CKAP2L: variants seen among roughly 807,000 people sequenced by gnomAD.
CKAP2L encodes cytoskeleton associated protein 2L, also known as cytoskeleton-associated protein 2-like.
A neutral mutation model predicts 65.7 loss-of-function variants in CKAP2L; 42 were observed. The observed-to-expected ratio is 0.64, with a 90% CI of 0.50 to 0.83. The LOEUF (loss-of-function observed/expected upper bound fraction) is 0.83, where lower values mean the gene tolerates loss of function less well. CKAP2L is among the 40% of genes least tolerant of loss of function. The pLI is 0.00. For missense variants in CKAP2L, 908 were observed against 871.0 expected (o/e 1.04, Z -0.53); for synonymous variants, 325 against 313.5 (o/e 1.04, Z -0.39).
rs963863091 is a variant in CKAP2L, at chr2:112,738,482, A to C, written c.*341T>G. The C allele has an allele frequency of 2.6e-5, 6 of 228,174 alleles. No individual in the cohort carries two copies. Among genetic ancestry groups the C allele is most frequent in the Non-Finnish European group, 5.2e-5 (6 of 115,354 alleles). The allele number at this position is 228,174 out of a possible 1,614,324, so 14.1% of individuals were successfully genotyped here. On this transcript the variant is annotated 3_prime_UTR_variant, in exon 9 of 9. Transcript: ENST00000302450. ...CTGCTAAGGTGGATGCAGAAAGAAA[A>C]GTCCCATTATATTGTGGGACCAACC...
chr2:112,744,818 G>C (rs1199264383), intron 6 of CKAP2L, among the ~76,000 whole-genome samples: 1 of 152,132 alleles, frequency 6.6e-6, no homozygotes, highest in Non-Finnish European at 1.5e-5. Context: ...CCATCCATGT[G>C]TCTCGGGCTT....
At chr2:112,753,890 C>G (rs886450712) in intron 4 of CKAP2L, among the ~76,000 whole-genome samples, 1 of 152,120 alleles carries the variant, frequency 6.6e-6, no homozygotes, top group African/African-American at 2.4e-5. Flanking sequence ...CAGTCCTCCC[C>G]TCAAATGACA....
chr2:112,747,930 G>C (rs1254992137), intron 5 of CKAP2L, among the ~76,000 whole-genome samples: 1 of 152,160 alleles, frequency 6.6e-6, no homozygotes, highest in African/African-American at 2.4e-5. Flanking sequence ...CAACAGAAAG[G>C]CAGAACAACT....
chr2:112,746,723 AC>A (rs1680213334), intron 5 of CKAP2L, 148 bp from the exon 6 acceptor site: 2 of 521,440 alleles, frequency 3.8e-6, no homozygotes, highest in Admixed American at 3.4e-5. Context: ...TTACTGAGGT[AC>A]AATGTACATG....
At position 112,738,571 on chromosome 2, in the gene CKAP2L, T is replaced by C. The variant is rs893538560; in HGVS notation, c.*252A>G. 2.1e-6 allele frequency: 1 copy of C among 483,284 alleles called. No individual in the cohort carries two copies. Among genetic ancestry groups the C allele is most frequent in the Non-Finnish European group, 3.7e-6 (1 of 271,776 alleles). The allele number at this position is 483,284 out of a possible 1,614,324, so 29.9% of individuals were successfully genotyped here. A position where few individuals can be genotyped will look rare whatever the true frequency, so the allele number is the denominator to read the frequency against. Reference sequence around the variant, plus strand: ...AATAAAGTATAAATATTTATCATAGTTGTAGGGTAAATATTCAAAAGTTTG... The same window carrying C: ...AATAAAGTATAAATATTTATCATAGCTGTAGGGTAAATATTCAAAAGTTTG... On this transcript the variant is annotated 3_prime_UTR_variant, in exon 9 of 9. Coordinates refer to ENST00000302450, the MANE Select transcript of CKAP2L (RefSeq NM_152515.5).
At position 112,746,512 on chromosome 2, in the gene CKAP2L, T is replaced by C. The variant is rs1680205768; in HGVS notation, c.1666A>G (p.Lys556Glu). The C allele has an allele frequency of 1.2e-6, 2 of 1,613,432 alleles. No individual in the cohort carries two copies. The highest frequency in any genetic ancestry group is 2.2e-5 in the South Asian group (2 of 91,048). ...AACTTTGCTTTGCAGATCCAGAATTTAGCAAATTTTTCAGCTTCAGGAATG... is the reference window on the plus strand; with the variant it reads ...AACTTTGCTTTGCAGATCCAGAATTCAGCAAATTTTTCAGCTTCAGGAATG... Reference protein sequence around the residue: ...SSIPEAEKFAKFWICKAKLLA... With the variant: ...SSIPEAEKFAEFWICKAKLLA... Residue 556 changes from lysine to glutamate, a missense_variant, in exon 6 of 9, where the codon AAA becomes GAA. By Grantham distance (56) the Lys-to-Glu change is moderately conservative. Coordinates refer to ENST00000302450, the MANE Select transcript of CKAP2L (RefSeq NM_152515.5).
chr2:112,762,305 A>G (rs1201833678), intron 2 of CKAP2L, among the ~76,000 whole-genome samples, 198 bp downstream of exon 2: 1 of 152,258 alleles, frequency 6.6e-6, no homozygotes, highest in Non-Finnish European at 1.5e-5. Context: ...GTAATAATGC[A>G]TAAAGCTTTG....
rs1339974112 is a variant in CKAP2L, at chr2:112,737,769, G to A, written c.*1054C>T. ...TTCTCCTTGGTAATGAATGCTCCTT[G>A]TTTCTTAGGACAGCCAACTGGTATA... is the stretch of plus-strand genomic sequence containing the variant. On this transcript the variant is annotated 3_prime_UTR_variant, in exon 9 of 9. Transcript: ENST00000302450. 1 of 152,034 alleles carries A rather than the reference G, an allele frequency of 6.6e-6. No individual in the cohort carries two copies. The highest frequency in any genetic ancestry group is 1.9e-4 in the East Asian group (1 of 5,194). 9.4% of individuals were successfully genotyped at this position (152,034 alleles called of 1,614,324 possible).
chr2:112,747,531 T>C (rs1350428403), intron 5 of CKAP2L, among the ~76,000 whole-genome samples: 1 of 152,150 alleles, frequency 6.6e-6, no homozygotes, highest in Non-Finnish European at 1.5e-5. Flanking sequence ...TGCAGGTGTT[T>C]ATGAAAGAGG....
intron 3 of CKAP2L, among the ~76,000 whole-genome samples, 171 bp from the exon 4 acceptor site, chr2:112,757,385 G>GTT (rs11311328): frequency 0.01 from 883 of 87,328 alleles, 3 homozygotes; most frequent in East Asian, 0.015. Context: ...TAGTTTTTGT[G>GTT]TTTTTTTTTT....
intron 5 of CKAP2L, among the ~76,000 whole-genome samples, chr2:112,749,660 T>C (rs1558758391): frequency 2.0e-5 from 3 of 152,210 alleles, no homozygotes; most frequent in Non-Finnish European, 4.4e-5. Flanking sequence ...TTTTCTAAGA[T>C]ATTTTTTGGG....
intron 7 of CKAP2L, chr2:112,742,469 C>T: frequency 1.4e-6 from 1 of 717,986 alleles, no homozygotes; most frequent in South Asian, 1.5e-5. Flanking sequence ...GGAAGTGGGA[C>T]ACTCCAGTCT....
chr2:112,754,923 C>T (rs746224156), intron 4 of CKAP2L, among the ~76,000 whole-genome samples: 2 of 152,198 alleles, frequency 1.3e-5, no homozygotes, highest in Non-Finnish European at 1.5e-5. Context: ...GTTGAAAGTA[C>T]TTCTACTGAT....
Position 112,761,153 on chromosome 2 carries a change from A to G in CKAP2L, c.105-389T>C, listed in dbSNP as rs371821948. Among the ~76,000 whole-genome samples the G allele has an allele frequency of 3.5e-4, 53 of 152,148 alleles. 1 individual carries two copies. Among genetic ancestry groups the G allele is most frequent in the African/African-American group, 1.2e-3 (51 of 41,434 alleles). On this transcript the variant is annotated intron_variant, in intron 2 of 8. Transcript: ENST00000302450. ...CGAAGACACAATGCCAAATAAAACCATTAACTGCTTCTTTAAAAAATTTCC... is the reference window on the plus strand; with the variant it reads ...CGAAGACACAATGCCAAATAAAACCGTTAACTGCTTCTTTAAAAAATTTCC...
chr2:112,746,375 T>A, intron 6 of CKAP2L, 45 bp downstream of exon 6: 2 of 1,517,198 alleles, frequency 1.3e-6, no homozygotes, highest in Non-Finnish European at 1.8e-6. Context: ...AGAACTCACA[T>A]GAAAGAGAAT....
intron 6 of CKAP2L, among the ~76,000 whole-genome samples, chr2:112,745,756 T>A (rs1286324480): frequency 1.3e-5 from 2 of 152,102 alleles, no homozygotes; most frequent in Non-Finnish European, 2.9e-5. Flanking sequence ...AATGAAAGTA[T>A]AAGGAATGGC....
intron 4 of CKAP2L, among the ~76,000 whole-genome samples, chr2:112,755,151 A>G (rs1314021761): frequency 6.6e-6 from 1 of 152,160 alleles, no homozygotes; most frequent in African/African-American, 2.4e-5. Flanking sequence ...TTTCTACTTC[A>G]AGCAGGTATA....
At chr2:112,748,678 C>T (rs1680276303) in intron 5 of CKAP2L, among the ~76,000 whole-genome samples, 1 of 152,002 alleles carries the variant, frequency 6.6e-6, no homozygotes, top group South Asian at 2.1e-4. Context: ...CTGGGCAACA[C>T]AGTGAGACCC....
At chr2:112,746,356 C>CA in intron 6 of CKAP2L, 64 bp downstream of exon 6, 1 of 1,389,294 alleles carries the variant, frequency 7.2e-7, no homozygotes. Flanking sequence ...ATATTACAAA[C>CA]AACAACAGAG....
Sources: allele counts gnomAD v4.1 joint callset (sites outside exome capture counted in the v4.1 genomes callset), GRCh38; gene constraint gnomAD v4.1.1; transcripts MANE v1.5; gene names NCBI Gene and HGNC (gene_info 2026-07-23, HGNC 2026-07-21).